The following HUNK variants were observed in gnomAD, a reference collection of about 807,000 sequenced individuals.
HUNK encodes the protein hormonally up-regulated Neu-associated kinase.
HUNK carries 21 observed loss-of-function variants against 61.0 expected under a neutral mutation model. The observed-to-expected ratio is 0.34, with a 90% confidence interval of 0.24 to 0.50. The LOEUF (loss-of-function observed/expected upper bound fraction) is 0.50. Among genes scored for constraint, HUNK ranks in the 20% least tolerant of loss-of-function variants. The pLI is 0.98. For synonymous variants in HUNK, 371 were observed against 386.1 expected, an observed-to-expected ratio of 0.96 and a Z score of 0.46; for missense variants, 772 against 945.7, an observed-to-expected ratio of 0.82 and a Z score of 2.41.
intron 9 of HUNK, among the ~76,000 whole-genome samples, chr21:31,991,650 C>T (rs2123254194): frequency 6.6e-6 from 1 of 152,348 alleles, no homozygotes; most frequent in South Asian, 2.1e-4. Flanking sequence ...TCCCAGGTGG[C>T]AGCAGTCAGC....
At chr21:31,895,529 G>T (rs1405783111) in intron 1 of HUNK, among the ~76,000 whole-genome samples, 1 of 152,220 alleles carries the variant, frequency 6.6e-6, no homozygotes, top group South Asian at 2.1e-4. Flanking sequence ...GGAATGGTAC[G>T]TGGTGGTTTT....
chr21:31,946,623 GT>G (rs140666537), intron 4 of HUNK, among the ~76,000 whole-genome samples: 5 of 150,692 alleles, frequency 3.3e-5, no homozygotes, highest in Non-Finnish European at 5.9e-5. Context: ...CTCTGGGCTT[GT>G]TTTTTTTTGA....
At chr21:31,988,122 C>A (rs1395002159) in intron 8 of HUNK, among the ~76,000 whole-genome samples, 2 of 152,210 alleles carry the variant, frequency 1.3e-5, no homozygotes, top group Non-Finnish European at 2.9e-5. Flanking sequence ...ATTTTCTCTA[C>A]CTCTTTTTCC....
chr21:31,945,811 G>C (rs905778532), intron 3 of HUNK, among the ~76,000 whole-genome samples: 1 of 152,116 alleles, frequency 6.6e-6, no homozygotes, highest in Non-Finnish European at 1.5e-5. Context: ...AGTGAGGCCC[G>C]ATGTCAAATG....
At chr21:31,980,323 G>A (rs998164375) in intron 7 of HUNK, among the ~76,000 whole-genome samples, 2 of 150,576 alleles carry the variant, frequency 1.3e-5, no homozygotes, top group African/African-American at 2.4e-5. Context: ...GCCCGCATCG[G>A]CCTCCCAAAG....
At chr21:31,938,243 C>A (rs2052744927) in intron 2 of HUNK, among the ~76,000 whole-genome samples, 3 of 152,216 alleles carry the variant, frequency 2.0e-5, no homozygotes, top group Admixed American at 2.0e-4. Context: ...TGTTCCCCAC[C>A]AGCCTGTTGG....
intron 4 of HUNK, among the ~76,000 whole-genome samples, chr21:31,952,922 G>A (rs1253796181): frequency 6.6e-6 from 1 of 151,906 alleles, no homozygotes; most frequent in Non-Finnish European, 1.5e-5. Flanking sequence ...GACTGTCTTT[G>A]ATTCTTGGGA....
At chr21:31,881,132 G>T (rs1315657687) in intron 1 of HUNK, among the ~76,000 whole-genome samples, 1 of 152,242 alleles carries the variant, frequency 6.6e-6, no homozygotes, top group African/African-American at 2.4e-5. Context: ...CAGTTCTTCA[G>T]CACTGACGGG....
intron 2 of HUNK, among the ~76,000 whole-genome samples, chr21:31,930,024 A>C (rs936531455): frequency 1.3e-5 from 2 of 152,126 alleles, no homozygotes; most frequent in Non-Finnish European, 2.9e-5. Context: ...GTTACAGCAA[A>C]AGTTTTGTGT....
intron 1 of HUNK, among the ~76,000 whole-genome samples, chr21:31,922,851 C>T (rs2052632022): frequency 1.3e-5 from 2 of 152,056 alleles, no homozygotes; most frequent in Non-Finnish European, 2.9e-5. Context: ...ATATTGAGTG[C>T]GTTGTGAAAC....
chr21:31,909,185 A>G (rs2052528960), intron 1 of HUNK, among the ~76,000 whole-genome samples: 1 of 152,230 alleles, frequency 6.6e-6, no homozygotes, highest in Admixed American at 6.5e-5. Context: ...GCCTTCTGAT[A>G]AGAATTCCAG....
At chr21:31,970,719 T>C (rs2053004182) in intron 6 of HUNK, among the ~76,000 whole-genome samples, 1 of 152,222 alleles carries the variant, frequency 6.6e-6, no homozygotes, top group Non-Finnish European at 1.5e-5. Context: ...TTTCCCCTCC[T>C]TGTTGGCTGC....
intron 2 of HUNK, among the ~76,000 whole-genome samples, chr21:31,927,043 T>C (rs1026136910): frequency 6.6e-6 from 1 of 151,784 alleles, no homozygotes; most frequent in African/African-American, 2.4e-5. Flanking sequence ...ATTTCTTTTT[T>C]GTTTTTTGTT....
chr21:31,968,487 C>T (rs1167077473), intron 6 of HUNK, 102 bp downstream of exon 6: 2 of 1,391,986 alleles, frequency 1.4e-6, no homozygotes, highest in East Asian at 4.6e-5. Flanking sequence ...GAAGGAAAAG[C>T]CGCGCTCTCT....
chr21:31,900,479 A>ACACACACACACACAC (rs57151018), intron 1 of HUNK, among the ~76,000 whole-genome samples: 23 of 151,452 alleles, frequency 1.5e-4, no homozygotes, highest in East Asian at 5.8e-4. Context: ...ACACACACAC[A>ACACACACACACACAC]AACTCTACTG....
chr21:31,942,712 G>A (rs754183403), intron 3 of HUNK, among the ~76,000 whole-genome samples: 3 of 152,144 alleles, frequency 2.0e-5, no homozygotes, highest in Non-Finnish European at 4.4e-5. Context: ...GACATTTTAG[G>A]TATTTGGGAC....
At chr21:31,916,679 CT>C (rs753394202) in intron 1 of HUNK, among the ~76,000 whole-genome samples, 151 of 143,334 alleles carry the variant, frequency 1.1e-3, no homozygotes, top group Middle Eastern at 7.4e-3. Context: ...CTCTCTCTTT[CT>C]TTTTTTTTTT....
chr21:31,944,142 C>A (rs181086743), intron 3 of HUNK, among the ~76,000 whole-genome samples: 2 of 152,350 alleles, frequency 1.3e-5, no homozygotes, highest in East Asian at 3.9e-4. Context: ...TGCAGTGGCG[C>A]AGTCTTGGCT....
intron 1 of HUNK, among the ~76,000 whole-genome samples, chr21:31,910,618 A>T (rs1241379005): frequency 6.6e-6 from 1 of 151,578 alleles, no homozygotes. Flanking sequence ...CCTCCCAAGT[A>T]GCTGGGATTA....
Sources: allele counts gnomAD v4.1 joint callset (sites outside exome capture counted in the v4.1 genomes callset), GRCh38; gene constraint gnomAD v4.1.1; transcripts MANE v1.5; gene names NCBI Gene and HGNC (gene_info 2026-07-23, HGNC 2026-07-21).